Variants in RGS6 observed in about 807,000 individuals in gnomAD.
RGS6 encodes regulator of G-protein signaling 6.
In RGS6, 30 loss-of-function variants were observed where a neutral mutation model predicts 78.5. The ratio of observed to expected loss-of-function variants is 0.38; its 90% CI spans 0.29 to 0.52. The LOEUF is 0.52. RGS6 is among the 20% of genes least tolerant of loss of function. RGS6 has a pLI of 0.85. For missense variants in RGS6, 495 were observed against 609.7 expected, an observed-to-expected ratio of 0.81 and a Z score of 1.98; for synonymous variants, 206 against 206.0, an observed-to-expected ratio of 1.00 and a Z score of 0.00.
intron 8 of RGS6, among the ~76,000 whole-genome samples, chr14:72,471,892 A>G (rs1196804027): frequency 6.6e-5 from 10 of 152,266 alleles, no homozygotes; most frequent in Non-Finnish European, 1.5e-4. Flanking sequence ...GTTCTTCCAG[A>G]ATCAAACAGC....
At chr14:72,408,810 T>C (rs2093165749) in intron 3 of RGS6, among the ~76,000 whole-genome samples, 1 of 152,196 alleles carries the variant, frequency 6.6e-6, no homozygotes, top group South Asian at 2.1e-4. Flanking sequence ...ACTAGTTTTA[T>C]AGCAATTTGG....
chr14:72,125,898 C>G (rs2096179461), intron 2 of RGS6, among the ~76,000 whole-genome samples: 1 of 152,074 alleles, frequency 6.6e-6, no homozygotes, highest in Non-Finnish European at 1.5e-5. Context: ...CCTCAAGTTC[C>G]TATAAAACAA....
At chr14:72,255,927 T>C (rs1036905228) in intron 2 of RGS6, among the ~76,000 whole-genome samples, 2 of 152,228 alleles carry the variant, frequency 1.3e-5, no homozygotes, top group Non-Finnish European at 2.9e-5. Context: ...TTCCCCTTTT[T>C]CTAGCTTTTC....
At chr14:72,136,117 G>C (rs758946322) in intron 2 of RGS6, among the ~76,000 whole-genome samples, 3 of 152,090 alleles carry the variant, frequency 2.0e-5, no homozygotes, top group Non-Finnish European at 2.9e-5. Context: ...CCCTTGCCCT[G>C]AATAACCTCA....
intron 3 of RGS6, among the ~76,000 whole-genome samples, chr14:72,426,641 T>C (rs77712566): frequency 0.016 from 2,501 of 152,346 alleles, 71 homozygotes; most frequent in African/African-American, 0.057. Flanking sequence ...CTCTGTCTAC[T>C]TCAGTTTGGC....
chr14:72,610,994 C>T, the RGS6 span, among the ~76,000 whole-genome samples: 1 of 152,230 alleles, frequency 6.6e-6, no homozygotes, highest in African/African-American at 2.4e-5. Context: ...CTGTCACGCA[C>T]TTTAAAACCA....
intron 2 of RGS6, among the ~76,000 whole-genome samples, chr14:72,078,557 G>A (rs1490231132): frequency 6.6e-6 from 1 of 152,066 alleles, no homozygotes; most frequent in African/African-American, 2.4e-5. Flanking sequence ...GGGATTACAG[G>A]CGCCCGTCAC....
intron 1 of RGS6, among the ~76,000 whole-genome samples, chr14:71,943,565 A>G (rs2090998455): frequency 6.6e-6 from 1 of 152,188 alleles, no homozygotes; most frequent in African/African-American, 2.4e-5. Flanking sequence ...AGGCTTGTAG[A>G]AAGCAAGTGG....
At chr14:72,122,966 TTTTTG>T (rs1400396554) in intron 2 of RGS6, among the ~76,000 whole-genome samples, 1 of 152,114 alleles carries the variant, frequency 6.6e-6, no homozygotes, top group Non-Finnish European at 1.5e-5. Context: ...AGGGATAAGT[TTTTTG>T]TTTTGTTTTG....
intron 2 of RGS6, among the ~76,000 whole-genome samples, chr14:72,049,865 A>G (rs960885787): frequency 6.6e-6 from 1 of 152,224 alleles, no homozygotes; most frequent in African/African-American, 2.4e-5. Context: ...GATATGCTGT[A>G]TCAAAAGCAA....
At chr14:72,588,519 T>C in the RGS6 span, among the ~76,000 whole-genome samples, 102 of 152,324 alleles carry the variant, frequency 6.7e-4, no homozygotes, top group Non-Finnish European at 1.3e-3. Context: ...GACCTTTTTT[T>C]GCCCATGGAC....
intron 1 of RGS6, among the ~76,000 whole-genome samples, chr14:71,958,877 A>G (rs1263512559): frequency 1.3e-5 from 2 of 152,174 alleles, no homozygotes; most frequent in African/African-American, 4.8e-5. Context: ...GGGAGTATGT[A>G]TATTTAGAAT....
downstream of RGS6, among the ~76,000 whole-genome samples, chr14:72,567,433 G>A (rs1422498129): frequency 9.9e-5 from 15 of 152,148 alleles, no homozygotes; most frequent in Non-Finnish European, 1.5e-4. Context: ...TTTGCTTATC[G>A]GGCTGTTGCT....
intron 3 of RGS6, among the ~76,000 whole-genome samples, chr14:72,402,906 C>T (rs1475882530): frequency 6.9e-6 from 1 of 144,466 alleles, no homozygotes; most frequent in African/African-American, 2.6e-5. Context: ...AAGTGATTCT[C>T]CTGCCTCAAC....
intron 2 of RGS6, among the ~76,000 whole-genome samples, chr14:72,101,564 CTG>C (rs1444353262): frequency 1.3e-5 from 2 of 152,210 alleles, no homozygotes; most frequent in Non-Finnish European, 2.9e-5. Flanking sequence ...TCTGTCTGGA[CTG>C]TTGTGCTATT....
intron 12 of RGS6, among the ~76,000 whole-genome samples, chr14:72,480,093 T>C (rs992137273): frequency 6.6e-6 from 1 of 152,180 alleles, no homozygotes; most frequent in Non-Finnish European, 1.5e-5. Flanking sequence ...GCCTCAGCCC[T>C]AGGGATTCAG....
intron 2 of RGS6, among the ~76,000 whole-genome samples, chr14:72,210,587 A>G (rs1302780477): frequency 1.3e-5 from 2 of 152,206 alleles, no homozygotes; most frequent in African/African-American, 4.8e-5. Flanking sequence ...ACTCTGTCTC[A>G]GTGAGAATGT....
chr14:71,950,062 C>T (rs527288805), intron 1 of RGS6, among the ~76,000 whole-genome samples: 21 of 152,226 alleles, frequency 1.4e-4, no homozygotes, highest in Non-Finnish European at 2.4e-4. Context: ...GTCTTAATTA[C>T]GTGAGCTTTA....
At chr14:72,168,471 G>A (rs1037126818) in intron 2 of RGS6, among the ~76,000 whole-genome samples, 2 of 152,150 alleles carry the variant, frequency 1.3e-5, no homozygotes, top group South Asian at 2.1e-4. Flanking sequence ...AGCACTGGTC[G>A]AGATGTTCCT....
Sources: allele counts gnomAD v4.1 joint callset (sites outside exome capture counted in the v4.1 genomes callset), GRCh38; gene constraint gnomAD v4.1.1; transcripts MANE v1.5; gene names NCBI Gene and HGNC (gene_info 2026-07-23, HGNC 2026-07-21).